Variants in TBC1D5 observed in about 807,000 individuals in gnomAD.
TBC1D5 encodes TBC1 domain family, member 5.
TBC1D5 carries 75 observed loss-of-function variants against 100.3 expected under a neutral mutation model. The observed-to-expected ratio is 0.75, with a 90% CI of 0.62 to 0.91. The LOEUF is 0.91. Among genes scored for constraint, TBC1D5 ranks in the 40% least tolerant of loss-of-function variants. TBC1D5 has a pLI of 0.00. For synonymous variants in TBC1D5, 323 were observed against 325.6 expected, an observed-to-expected ratio of 0.99 and a Z score of 0.09; for missense variants, 910 against 942.4, an observed-to-expected ratio of 0.97 and a Z score of 0.45.
At chr3:17,544,379 G>A (rs984306809) in intron 2 of TBC1D5, among the ~76,000 whole-genome samples, 3 of 152,164 alleles carry the variant, frequency 2.0e-5, no homozygotes, top group Non-Finnish European at 2.9e-5. Flanking sequence ...TCGGCCGGGC[G>A]CACTGGCTCA....
At chr3:17,656,231 C>A (rs1464033163) in intron 1 of TBC1D5, among the ~76,000 whole-genome samples, 1 of 152,208 alleles carries the variant, frequency 6.6e-6, no homozygotes, top group Non-Finnish European at 1.5e-5. Flanking sequence ...AACAATAAAT[C>A]GGACATTGGG....
At chr3:17,222,871 G>A (rs889107572) in intron 17 of TBC1D5, among the ~76,000 whole-genome samples, 3 of 151,744 alleles carry the variant, frequency 2.0e-5, no homozygotes, top group Admixed American at 1.3e-4. Context: ...CAATTTCAGA[G>A]TTAATCTAAA....
upstream of TBC1D5, among the ~76,000 whole-genome samples, chr3:17,741,185 C>T (rs1461968259): frequency 6.6e-6 from 1 of 152,230 alleles, no homozygotes; most frequent in Admixed American, 6.5e-5. Context: ...TATCAAAATG[C>T]ACCATAGGCC....
At chr3:17,335,439 T>A (rs1012638121) in intron 13 of TBC1D5, among the ~76,000 whole-genome samples, 20 of 152,114 alleles carry the variant, frequency 1.3e-4, no homozygotes, top group African/African-American at 4.8e-4. Context: ...AAAGCAGCAG[T>A]GCAATCAGTG....
chr3:17,179,426 C>T (rs1192383527), intron 19 of TBC1D5, among the ~76,000 whole-genome samples: 1 of 152,130 alleles, frequency 6.6e-6, no homozygotes, highest in Non-Finnish European at 1.5e-5. Flanking sequence ...TCAAAACTGG[C>T]CTCCTTTTTC....
intron 16 of TBC1D5, among the ~76,000 whole-genome samples, chr3:17,253,334 A>AT (rs761396659): frequency 6.6e-6 from 1 of 152,194 alleles, no homozygotes; most frequent in African/African-American, 2.4e-5. Context: ...CAACTTTATG[A>AT]TTTTTTGTGT....
At chr3:17,488,599 T>C (rs2095599371) in intron 3 of TBC1D5, among the ~76,000 whole-genome samples, 1 of 152,184 alleles carries the variant, frequency 6.6e-6, no homozygotes, top group Non-Finnish European at 1.5e-5. Context: ...CCACCAGCAA[T>C]AAATAAGAGT....
chr3:17,382,358 C>T (rs894683805), intron 9 of TBC1D5, among the ~76,000 whole-genome samples: 2 of 151,794 alleles, frequency 1.3e-5, no homozygotes, highest in Non-Finnish European at 2.9e-5. Context: ...ATATTATCTC[C>T]GTTAAAATAA....
intron 18 of TBC1D5, among the ~76,000 whole-genome samples, chr3:17,205,469 G>A (rs2072040654): frequency 6.6e-6 from 1 of 152,162 alleles, no homozygotes; most frequent in Admixed American, 6.5e-5. Context: ...CCAGTTGCCT[G>A]AAAATCTACC....
In TBC1D5 at chr3:17,285,170, G is replaced by T. The variant is rs867354129; in HGVS notation, c.1245+6725C>A. 1.7e-4 allele frequency among the ~76,000 whole-genome samples: 26 copies of T among 150,872 alleles called. 1 individual carries two copies. Among genetic ancestry groups the T allele is most frequent in the South Asian group, 1.0e-3 (5 of 4,778 alleles). ...ACTAGAAAATCTGAATAGACCGTCT[G>T]CTGGAAGCATTATGAAAAGTAAATA... On this transcript the variant is annotated intron_variant, in intron 15 of 21. Transcript: ENST00000253692.
chr3:17,539,237 A>G (rs972184905), intron 2 of TBC1D5, among the ~76,000 whole-genome samples: 2 of 152,210 alleles, frequency 1.3e-5, no homozygotes, highest in Non-Finnish European at 2.9e-5. Context: ...TGTCTGGGTT[A>G]AGATAAGGGG....
At chr3:17,650,735 T>A (rs1258180372) in intron 1 of TBC1D5, among the ~76,000 whole-genome samples, 3 of 152,200 alleles carry the variant, frequency 2.0e-5, no homozygotes, top group South Asian at 4.1e-4. Context: ...TTCTGAGGGA[T>A]CATCTTTAAT....
intron 20 of TBC1D5, 79 bp downstream of exon 21, chr3:17,167,662 CTCTAACAT>C (rs2066770267): frequency 8.2e-7 from 1 of 1,215,940 alleles, no homozygotes; most frequent in Admixed American, 1.8e-5. Context: ...GGGATGCTGG[CTCTAACAT>C]CATGGTGCTC....
At chr3:17,653,155 G>C (rs536312909) in intron 1 of TBC1D5, among the ~76,000 whole-genome samples, 4 of 152,226 alleles carry the variant, frequency 2.6e-5, no homozygotes, top group African/African-American at 9.6e-5. Flanking sequence ...CAGACTGGGA[G>C]GAGTATGGGG....
At chr3:17,257,279 A>G (rs974994208) in intron 16 of TBC1D5, among the ~76,000 whole-genome samples, 1 of 152,242 alleles carries the variant, frequency 6.6e-6, no homozygotes, top group African/African-American at 2.4e-5. Context: ...ACAAAACTAA[A>G]TATCTGACAT....
At chr3:17,460,781 C>T (rs1007440158) in intron 3 of TBC1D5, among the ~76,000 whole-genome samples, 1 of 151,342 alleles carries the variant, frequency 6.6e-6, no homozygotes, top group African/African-American at 2.4e-5. Flanking sequence ...AAAGATACTA[C>T]ATAGAAATGT....
rs895005786 is a variant in TBC1D5 at position 17,195,348 on chromosome 3, C to G, written c.1753-10140G>C. Among the ~76,000 whole-genome samples, 4 of 152,320 alleles carry G rather than the reference C, an allele frequency of 2.6e-5. No homozygotes were observed. The East Asian group carries it at 7.7e-4, about 29-fold the overall frequency. On this transcript the variant is annotated intron_variant, in intron 18 of 21. Transcript: ENST00000253692. The stretch of plus-strand genomic sequence containing the variant: ...TACTTAACAAGGGTTTTCCCCCTCC[C>G]CACTTACACGTGATAAGACCAACTG...
intron 3 of TBC1D5, among the ~76,000 whole-genome samples, chr3:17,492,039 C>T (rs540173928): frequency 1.3e-5 from 2 of 152,042 alleles, no homozygotes; most frequent in Non-Finnish European, 2.9e-5. Flanking sequence ...TGTATGTGTA[C>T]AGGAATTTAT....
At chr3:17,611,686 T>C (rs78779922) in intron 2 of TBC1D5, among the ~76,000 whole-genome samples, 2,520 of 152,154 alleles carry the variant, frequency 0.017, 50 homozygotes, top group South Asian at 0.048. Context: ...CAGAGTGGAG[T>C]GCTATCCTAT....
Sources: allele counts gnomAD v4.1 joint callset (sites outside exome capture counted in the v4.1 genomes callset), GRCh38; gene constraint gnomAD v4.1.1; transcripts MANE v1.5; gene names NCBI Gene and HGNC (gene_info 2026-07-23, HGNC 2026-07-21).